Variants in PACRG observed in about 807,000 individuals in gnomAD.
The protein encoded by PACRG is parkin coregulated, also known as parkin coregulated gene protein.
PACRG carries 29 observed loss-of-function variants against 29.7 expected under a neutral mutation model. That is an observed-to-expected ratio of 0.98 (90% CI 0.73 to 1.33). The LOEUF (loss-of-function observed/expected upper bound fraction) is 1.33, where lower values mean the gene tolerates loss of function less well. PACRG is among the 40% of genes most tolerant of loss of function. PACRG has a pLI of 0.00. For synonymous variants in PACRG, 116 were observed against 118.7 expected, an observed-to-expected ratio of 0.98 and a Z score of 0.15; for missense variants, 279 against 316.2, an observed-to-expected ratio of 0.88 and a Z score of 0.89.
chr6:162,789,536 G>T (rs886427656), intron 1 of PACRG, among the ~76,000 whole-genome samples: 14 of 152,002 alleles, frequency 9.2e-5, no homozygotes, highest in Non-Finnish European at 2.9e-5. Context: ...TTTCACTAAG[G>T]ATCATTTTTT....
chr6:163,004,386 A>G (rs555031280), intron 2 of PACRG, among the ~76,000 whole-genome samples: 1 of 152,094 alleles, frequency 6.6e-6, no homozygotes, highest in East Asian at 1.9e-4. Context: ...ATAGTTCAAC[A>G]TGCTGGGGTT....
At chr6:162,996,043 T>C (rs1414050751) in intron 2 of PACRG, among the ~76,000 whole-genome samples, 1 of 152,210 alleles carries the variant, frequency 6.6e-6, no homozygotes. Flanking sequence ...GGAGATCTAA[T>C]ATACAGTATG....
In PACRG at chr6:162,853,253, A is replaced by G. The variant is rs373402847; in HGVS notation, c.291+38972A>G. On this transcript the variant is annotated intron_variant, in intron 2 of 4. Transcript: ENST00000366888. The surrounding 1 kb of genome is among the most constrained non-coding windows in gnomAD (Gnocchi z 4.7). ...TGGGTGCTCCTTGGAAAGCCTTTGTATGCCAAAGCTTTGTGTACCCAGTAT... is the reference window on the plus strand; with the variant it reads ...TGGGTGCTCCTTGGAAAGCCTTTGTGTGCCAAAGCTTTGTGTACCCAGTAT... Among the ~76,000 whole-genome samples the G allele has an allele frequency of 1.4e-4, 22 of 152,360 alleles. No individual in the cohort carries two copies. The East Asian group carries it at 2.9e-3, about 20-fold the overall frequency.
rs368026105 is a variant in PACRG, at chr6:162,889,447, G to A, written c.291+75166G>A. On this transcript the variant is annotated intron_variant, in intron 2 of 4. Transcript: ENST00000366888. Reference sequence around the variant, plus strand: ...AGTTGCTGCTTAGAGCAATAAAAATGTACTTTATAGCTTGTTAACCTAGAT... The same window carrying A: ...AGTTGCTGCTTAGAGCAATAAAAATATACTTTATAGCTTGTTAACCTAGAT... 4.6e-5 allele frequency among the ~76,000 whole-genome samples: 7 copies of A among 152,176 alleles called. No homozygotes were observed. In the South Asian group the frequency reaches 1.2e-3, roughly 27 times the overall value.
rs556072109 is a variant in PACRG, at chr6:163,046,750, A to G, written c.292-15400A>G. 16 of 152,118 alleles carry G rather than the reference A, an allele frequency of 1.1e-4. No individual in the cohort carries two copies. The East Asian group carries it at 2.1e-3, about 20-fold the overall frequency. The allele number at this position is 152,118 out of a possible 1,614,324, so 9.4% of individuals were successfully genotyped here. On this transcript the variant is annotated intron_variant, in intron 2 of 4. Coordinates refer to ENST00000366888, the MANE Select transcript of PACRG (RefSeq NM_001080379.2). ...ACACTTTCCTTTTTTTTTCCTACCC[A>G]CTAACTGGCCCCATCTCTCCCTAAC...
intron 2 of PACRG, among the ~76,000 whole-genome samples, chr6:162,830,209 G>A (rs1481830700): frequency 6.6e-6 from 1 of 152,134 alleles, no homozygotes; most frequent in East Asian, 1.9e-4. Context: ...TTAAGATCTT[G>A]TGCTTCTTGG....
intron 2 of PACRG, among the ~76,000 whole-genome samples, chr6:162,832,250 A>G (rs1006995600): frequency 1.3e-5 from 2 of 152,148 alleles, no homozygotes; most frequent in South Asian, 4.1e-4. Context: ...GCATTTCTCT[A>G]ATGATCGTGA....
chr6:162,819,866 G>A (rs1276567391), intron 2 of PACRG, among the ~76,000 whole-genome samples: 1 of 152,102 alleles, frequency 6.6e-6, no homozygotes, highest in Non-Finnish European at 1.5e-5. Flanking sequence ...TGATATGTTG[G>A]TGGAATACTT....
chr6:162,879,038 A>G (rs1418031324), intron 2 of PACRG, among the ~76,000 whole-genome samples: 1 of 152,214 alleles, frequency 6.6e-6, no homozygotes, highest in Non-Finnish European at 1.5e-5. Flanking sequence ...GAGGAATCTC[A>G]TGGTGTTTCA....
rs576889565 is a variant in PACRG, at chr6:163,206,086, A to G, written c.614-108741A>G. ...CAGATGCTGACAAGGTTGCAGAGAA[A>G]AGAGAATGCTATACACTGCTGGTGG... On this transcript the variant is annotated intron_variant, in intron 4 of 4. Transcript: ENST00000366888. 4.6e-5 allele frequency among the ~76,000 whole-genome samples: 7 copies of G among 152,334 alleles called. No homozygotes were observed. In the South Asian group the frequency reaches 1.2e-3, roughly 27 times the overall value.
chr6:162,776,430 A>C (rs1358691054), intron 1 of PACRG, among the ~76,000 whole-genome samples: 1 of 152,212 alleles, frequency 6.6e-6, no homozygotes, highest in Non-Finnish European at 1.5e-5. Context: ...CACTGTCAAC[A>C]ATGAGCTGGC....
chr6:163,102,599 T>C (rs1025664751), intron 4 of PACRG, among the ~76,000 whole-genome samples: 3 of 152,230 alleles, frequency 2.0e-5, no homozygotes, highest in African/African-American at 7.2e-5. Flanking sequence ...CTGCAATGTA[T>C]ATGATTTTTG....
intron 4 of PACRG, among the ~76,000 whole-genome samples, chr6:163,232,985 C>T (rs573746910): frequency 9.9e-4 from 151 of 152,344 alleles, no homozygotes; most frequent in Non-Finnish European, 1.8e-3. Flanking sequence ...TCTGGGACTA[C>T]AGCTGGAGTG....
intron 1 of PACRG, among the ~76,000 whole-genome samples, chr6:162,779,755 T>C (rs1230115766): frequency 6.6e-6 from 1 of 152,224 alleles, no homozygotes; most frequent in East Asian, 1.9e-4. Context: ...CGAAATAGTA[T>C]GTAGTCCATT....
Position 162,872,374 on chromosome 6 carries a change from C to T in PACRG, c.291+58093C>T, listed in dbSNP as rs566455204. Reference sequence around the variant, plus strand: ...TAATACTTCTAAATAAATCTTATCTCTAGCAGTTGAGTATTAGAATGCTGT... The same window carrying T: ...TAATACTTCTAAATAAATCTTATCTTTAGCAGTTGAGTATTAGAATGCTGT... On this transcript the variant is annotated intron_variant, in intron 2 of 4. Transcript: ENST00000366888. 1.6e-3 allele frequency among the ~76,000 whole-genome samples: 241 copies of T among 152,304 alleles called. 1 individual carries two copies. The highest frequency in any genetic ancestry group is 4.0e-3 in the African/African-American group (167 of 41,570).
intron 2 of PACRG, among the ~76,000 whole-genome samples, chr6:162,979,582 T>C (rs767563752): frequency 1.3e-5 from 2 of 152,120 alleles, no homozygotes; most frequent in Admixed American, 6.6e-5. Context: ...GGAGATCTTA[T>C]CCAAAAAATC....
At chr6:163,221,495 G>A (rs1157370751) in intron 4 of PACRG, among the ~76,000 whole-genome samples, 2 of 152,256 alleles carry the variant, frequency 1.3e-5, no homozygotes, top group Admixed American at 6.5e-5. Context: ...CTGAACCAGT[G>A]ACTCTCAGGG....
At chr6:163,187,573 G>C (rs1003300712) in intron 4 of PACRG, 8 of 152,370 alleles carry the variant, frequency 5.3e-5, no homozygotes, top group African/African-American at 1.9e-4. Flanking sequence ...GCAGCACACA[G>C]AGACCCTGCT....
At chr6:163,115,007 A>T (rs2128321493) in intron 4 of PACRG, among the ~76,000 whole-genome samples, 1 of 152,368 alleles carries the variant, frequency 6.6e-6, no homozygotes, top group Middle Eastern at 3.4e-3. Context: ...ATATCTCAAC[A>T]AAGCTGGAAA....
Sources: allele counts gnomAD v4.1 joint callset (sites outside exome capture counted in the v4.1 genomes callset), GRCh38; gene constraint gnomAD v4.1.1; non-coding constraint Gnocchi (gnomAD v3.1); transcripts MANE v1.5; gene names NCBI Gene and HGNC (gene_info 2026-07-23, HGNC 2026-07-21).